IL22RA2: variants seen among roughly 807,000 people sequenced by gnomAD.
IL22RA2 encodes the protein interleukin 22 receptor subunit alpha 2, also known as interleukin-22 receptor subunit alpha-2.
A neutral mutation model predicts 30.7 loss-of-function variants in IL22RA2; 39 were observed. That is an observed-to-expected ratio of 1.27 (90% CI 0.98 to 1.66). The LOEUF (loss-of-function observed/expected upper bound fraction) is 1.66. Among genes scored for constraint, IL22RA2 ranks in the 40% most tolerant of loss-of-function variants. The pLI is 0.00. For synonymous variants in IL22RA2, 103 were observed against 105.0 expected (o/e 0.98, Z 0.11); for missense variants, 315 against 312.7 (o/e 1.01, Z -0.05).
chr6:137,162,502 A>T (rs1490691385), intron 1 of IL22RA2, among the ~76,000 whole-genome samples: 1 of 152,170 alleles, frequency 6.6e-6, no homozygotes, highest in Non-Finnish European at 1.5e-5. Context: ...ATGATTCCTT[A>T]AAAAGATGAA....
chr6:137,148,642 T>A (rs572792702), intron 5 of IL22RA2, among the ~76,000 whole-genome samples: 1 of 152,314 alleles, frequency 6.6e-6, no homozygotes, highest in Admixed American at 6.5e-5. Context: ...TTTTTGCCCC[T>A]CTGTGGAGTT....
At chr6:137,154,620 A>AACACACACACAC (rs10682551) in intron 5 of IL22RA2, among the ~76,000 whole-genome samples, 57 of 148,516 alleles carry the variant, frequency 3.8e-4, no homozygotes, top group African/African-American at 1.3e-3. Context: ...GTCACACACA[A>AACACACACACAC]ACACACACAC....
chr6:137,148,001 G>C, intron 5 of IL22RA2, 110 bp from the exon 6 acceptor site: 1 of 950,448 alleles, frequency 1.1e-6, no homozygotes, highest in Admixed American at 2.2e-5. Context: ...TGAGCCCAGG[G>C]AGGCCGAGGC....
chr6:137,162,879 C>T (rs1020286167), intron 1 of IL22RA2, among the ~76,000 whole-genome samples: 3 of 152,062 alleles, frequency 2.0e-5, no homozygotes, highest in Non-Finnish European at 2.9e-5. Context: ...ACCCTGTAGA[C>T]CTGAAGAAGG....
rs975255078 is a variant in IL22RA2, at chr6:137,145,366, C to A, written c.*258G>T. 6.6e-6 allele frequency: 2 copies of A among 304,434 alleles called. No homozygotes were observed. The highest frequency in any genetic ancestry group is 1.2e-5 in the Non-Finnish European group (2 of 167,944). 18.9% of individuals were successfully genotyped at this position (304,434 alleles called of 1,614,324 possible). A position where few individuals can be genotyped will look rare whatever the true frequency, so the allele number is the denominator to read the frequency against. On this transcript the variant is annotated 3_prime_UTR_variant, in exon 7 of 7. Coordinates refer to ENST00000296980, the MANE Select transcript of IL22RA2 (RefSeq NM_052962.3). ...GGATGTTACATTCAGAAATAAAGTT[C>A]TGAATTTCATAGAACACTTTATTCT...
chr6:137,156,057 T>A (rs994508724), intron 4 of IL22RA2, among the ~76,000 whole-genome samples: 49 of 152,286 alleles, frequency 3.2e-4, no homozygotes, highest in African/African-American at 1.1e-3. Context: ...CGGGAACTTT[T>A]ATTGAGGACT....
chr6:137,158,182 C>G (rs1778447878), intron 3 of IL22RA2, among the ~76,000 whole-genome samples, 165 bp downstream of exon 3: 1 of 152,120 alleles, frequency 6.6e-6, no homozygotes, highest in African/African-American at 2.4e-5. Flanking sequence ...CATTTTGAGT[C>G]CCCAGGCAGC....
At chr6:137,146,857 A>G (rs1482945891) in intron 6 of IL22RA2, among the ~76,000 whole-genome samples, 1 of 151,976 alleles carries the variant, frequency 6.6e-6, no homozygotes, top group Non-Finnish European at 1.5e-5. Flanking sequence ...ATAGCTGGGC[A>G]TGGTGGCATG....
At chr6:137,163,839 C>T (rs1778574559) in intron 1 of IL22RA2, among the ~76,000 whole-genome samples, 1 of 152,096 alleles carries the variant, frequency 6.6e-6, no homozygotes, top group Non-Finnish European at 1.5e-5. Context: ...AAGAGATGGT[C>T]TCGGGAGAGA....
intron 1 of IL22RA2, among the ~76,000 whole-genome samples, chr6:137,162,100 G>A (rs1778531855): frequency 6.6e-6 from 1 of 152,172 alleles, no homozygotes; most frequent in South Asian, 2.1e-4. Flanking sequence ...TGGCAAGCAG[G>A]TGAGTGAATG....
intron 5 of IL22RA2, among the ~76,000 whole-genome samples, chr6:137,154,620 AACAC>A (rs10682551): frequency 5.7e-4 from 85 of 148,508 alleles, no homozygotes; most frequent in Middle Eastern, 3.5e-3. Context: ...GTCACACACA[AACAC>A]ACACACACAC....
At chr6:137,159,739 C>T (rs917537440) in intron 2 of IL22RA2, among the ~76,000 whole-genome samples, 6 of 152,230 alleles carry the variant, frequency 3.9e-5, no homozygotes, top group Non-Finnish European at 8.8e-5. Flanking sequence ...TGCCTTAGGG[C>T]CTCTGCACTG....
chr6:137,157,858 T>C (rs182096428), intron 3 of IL22RA2, among the ~76,000 whole-genome samples: 7 of 152,336 alleles, frequency 4.6e-5, no homozygotes, highest in Non-Finnish European at 8.8e-5. Context: ...TTTGTGTTCA[T>C]GCTTACGAGA....
At chr6:137,166,486 G>A (rs1778627037) in intron 1 of IL22RA2, among the ~76,000 whole-genome samples, 1 of 152,206 alleles carries the variant, frequency 6.6e-6, no homozygotes, top group Admixed American at 6.5e-5. Context: ...CATCAAACAG[G>A]AGGACATGAC....
At chr6:137,150,455 C>CT (rs1278365820) in intron 5 of IL22RA2, among the ~76,000 whole-genome samples, 2 of 135,732 alleles carry the variant, frequency 1.5e-5, no homozygotes, top group Non-Finnish European at 3.2e-5. Flanking sequence ...TGGTCTAAAG[C>CT]TTTTTTCTTT....
intron 5 of IL22RA2, among the ~76,000 whole-genome samples, chr6:137,152,173 A>G (rs1048251254): frequency 6.6e-6 from 1 of 152,118 alleles, no homozygotes; most frequent in Non-Finnish European, 1.5e-5. Context: ...TGTTTGTGCC[A>G]CTGCGCTCCA....
At chr6:137,169,470 C>T (rs1778691081) in intron 1 of IL22RA2, among the ~76,000 whole-genome samples, 1 of 152,064 alleles carries the variant, frequency 6.6e-6, no homozygotes, top group Admixed American at 6.5e-5. Context: ...TGCTACTCCC[C>T]CTGCAGCAAG....
intron 1 of IL22RA2, among the ~76,000 whole-genome samples, chr6:137,162,753 GA>G (rs1324926478): frequency 6.6e-6 from 1 of 152,072 alleles, no homozygotes; most frequent in Non-Finnish European, 1.5e-5. Context: ...AGAGGTCAAA[GA>G]AAAAGGCTGA....
At chr6:137,162,460 G>A (rs762805963) in intron 1 of IL22RA2, among the ~76,000 whole-genome samples, 5 of 152,130 alleles carry the variant, frequency 3.3e-5, no homozygotes, top group African/African-American at 9.7e-5. Context: ...TTTCCAGTGA[G>A]CTGGAGAAAG....
Sources: gnomAD v4.1 joint callset for allele counts (sites outside exome capture counted in the v4.1 genomes callset) on GRCh38, gnomAD v4.1.1 for gene constraint, MANE v1.5 for transcripts, NCBI Gene and HGNC (gene_info 2026-07-23, HGNC 2026-07-21) for gene names.